Variants in NELL2 observed in about 807,000 individuals in gnomAD.
The protein encoded by NELL2 is neural EGFL like 2.
A neutral mutation model predicts 109.6 loss-of-function variants in NELL2; 41 were observed. The ratio of observed to expected loss-of-function variants is 0.37; its 90% CI spans 0.29 to 0.49. The LOEUF is 0.49. Among genes scored for constraint, NELL2 ranks in the 20% least tolerant of loss-of-function variants. The probability of loss-of-function intolerance (pLI) is 0.98; values close to 1 mark genes in which losing one functional copy is unlikely to be tolerated. For synonymous variants in NELL2, 355 were observed against 344.7 expected (o/e 1.03, Z -0.33); for missense variants, 900 against 1,008.3 (o/e 0.89, Z 1.45).
At chr12:44,615,866 G>A (rs1945802408) in intron 13 of NELL2, among the ~76,000 whole-genome samples, 2 of 152,042 alleles carry the variant, frequency 1.3e-5, no homozygotes, top group South Asian at 4.1e-4. Context: ...TTTTCACAAG[G>A]TAGATATAAG....
chr12:44,672,130 C>A (rs918331917), intron 12 of NELL2, among the ~76,000 whole-genome samples: 4 of 152,124 alleles, frequency 2.6e-5, no homozygotes, highest in African/African-American at 9.7e-5. Flanking sequence ...CTGGAGCAAA[C>A]GTTAATTACA....
chr12:44,726,534 T>C (rs1204483443), intron 9 of NELL2, among the ~76,000 whole-genome samples: 2 of 152,176 alleles, frequency 1.3e-5, no homozygotes, highest in Non-Finnish European at 2.9e-5. Flanking sequence ...TTCAACTTTA[T>C]TTCATTCTAA....
chr12:44,849,949 T>C (rs1276065810), intron 2 of NELL2, among the ~76,000 whole-genome samples: 1 of 152,110 alleles, frequency 6.6e-6, no homozygotes, highest in Non-Finnish European at 1.5e-5. Context: ...GTCTATTTTG[T>C]GAAAAAACAG....
intron 13 of NELL2, among the ~76,000 whole-genome samples, chr12:44,640,351 G>T (rs1000143364): frequency 2.6e-5 from 4 of 152,078 alleles, no homozygotes; most frequent in African/African-American, 9.7e-5. Context: ...AGGCTGAAGG[G>T]GTAAATACTT....
chr12:44,725,994 AC>A (rs1566247207), intron 9 of NELL2, among the ~76,000 whole-genome samples: 1 of 152,166 alleles, frequency 6.6e-6, no homozygotes, highest in Non-Finnish European at 1.5e-5. Context: ...GTACCCCCAA[AC>A]GTAAGAAAAA....
rs188089073 is a variant in NELL2, at chr12:44,688,624, G to A, written c.1318+15102C>T. 2.4e-3 allele frequency among the ~76,000 whole-genome samples: 364 copies of A among 152,282 alleles called. 3 individuals carry two copies. The highest frequency in any genetic ancestry group is 8.0e-3 in the African/African-American group (333 of 41,556). ...CAGAGGTAAGAATTCAAGTCTTCTT[G>A]GGCAATGTTCTTTCCATACATCAGC... is the stretch of plus-strand genomic sequence containing the variant. On this transcript the variant is annotated intron_variant, in intron 12 of 19. Transcript: ENST00000429094.
intron 2 of NELL2, among the ~76,000 whole-genome samples, chr12:44,859,956 T>G (rs552310949): frequency 2.0e-5 from 3 of 152,328 alleles, no homozygotes; most frequent in Admixed American, 6.5e-5. Flanking sequence ...GGGTGCCAAA[T>G]AGCATGCTAA....
At chr12:44,787,589 G>A (rs1053033197) in intron 3 of NELL2, among the ~76,000 whole-genome samples, 1 of 152,290 alleles carries the variant, frequency 6.6e-6, no homozygotes, top group African/African-American at 2.4e-5. Context: ...ATACTGTGTA[G>A]TATGGGCAGA....
At chr12:44,644,294 G>A (rs1467727015) in intron 13 of NELL2, among the ~76,000 whole-genome samples, 1 of 152,056 alleles carries the variant, frequency 6.6e-6, no homozygotes, top group Non-Finnish European at 1.5e-5. Flanking sequence ...TGAGTTCACA[G>A]TGTGGCATGT....
At chr12:44,850,671 A>G (rs1944507427) in intron 2 of NELL2, among the ~76,000 whole-genome samples, 1 of 152,224 alleles carries the variant, frequency 6.6e-6, no homozygotes, top group African/African-American at 2.4e-5. Flanking sequence ...TAAGTTTATG[A>G]AACTAAAGCA....
chr12:44,700,648 T>C (rs2136414744), intron 12 of NELL2, among the ~76,000 whole-genome samples: 1 of 152,262 alleles, frequency 6.6e-6, no homozygotes, highest in East Asian at 1.9e-4. Flanking sequence ...ACTCTTCTTG[T>C]TCAAGCAAAA....
intron 9 of NELL2, among the ~76,000 whole-genome samples, chr12:44,736,087 T>C (rs1313691464): frequency 7.0e-6 from 1 of 143,578 alleles, no homozygotes; most frequent in East Asian, 2.2e-4. Context: ...CTTGACTCAC[T>C]GCAAGCTCCG....
At position 44,610,864 on chromosome 12, in the gene NELL2, A is replaced by G; in HGVS notation, c.1551T>C (p.Asn517=). The G allele has an allele frequency of 2.5e-6, 4 of 1,613,060 alleles. No homozygotes were observed. Among genetic ancestry groups the G allele is most frequent in the Non-Finnish European group, 3.4e-6 (4 of 1,179,270 alleles). Residue 517 remains asparagine (N), a synonymous_variant, in exon 14 of 20, where the codon AAT becomes AAC. Coordinates refer to ENST00000429094, the MANE Select transcript of NELL2 (RefSeq NM_001145108.2). The part of the protein sequence containing the change: ...NCVCKPGYTG[N]GTTCKAFCKD... ...ACCTTTTACCTTTGCATGTCGTTCC[A>G]TTCCCTGTATAGCCCGGCTTGCAAA...
intron 2 of NELL2, among the ~76,000 whole-genome samples, chr12:44,844,236 A>G (rs1944307335): frequency 6.6e-6 from 1 of 152,234 alleles, no homozygotes; most frequent in Non-Finnish European, 1.5e-5. Context: ...CATTGGTGGG[A>G]ACTGAATTTT....
At chr12:44,893,564 A>C (rs1945560026) in intron 1 of NELL2, among the ~76,000 whole-genome samples, 2 of 152,108 alleles carry the variant, frequency 1.3e-5, no homozygotes, top group South Asian at 2.1e-4. Context: ...CCACTCAGAG[A>C]GGGTAGAGGG....
intron 15 of NELL2, among the ~76,000 whole-genome samples, chr12:44,574,328 C>T (rs12578826): frequency 0.029 from 4,384 of 151,760 alleles, 92 homozygotes; most frequent in Middle Eastern, 0.12. Flanking sequence ...ATTATAATTA[C>T]AAAAAGAGTT....
In NELL2 at chr12:44,643,129, A is replaced by G. The variant is rs532026294; in HGVS notation, c.1444+22355T>C. ...ATTTTATATTATGTATTAAAGTATT[A>G]AAATGTGCACAATTGAGGCCTAATA... On this transcript the variant is annotated intron_variant, in intron 13 of 19. Transcript: ENST00000429094. Among the ~76,000 whole-genome samples, 40 of 152,340 alleles carry G rather than the reference A, an allele frequency of 2.6e-4. 2 individuals are homozygous for G. The highest frequency in any genetic ancestry group is 6.8e-3 in the Middle Eastern group (2 of 294).
chr12:44,552,719 C>T (rs1943088645), intron 15 of NELL2, among the ~76,000 whole-genome samples: 1 of 152,006 alleles, frequency 6.6e-6, no homozygotes, highest in Non-Finnish European at 1.5e-5. Context: ...AAAAAGAAGC[C>T]AGTTACTTGT....
intron 13 of NELL2, among the ~76,000 whole-genome samples, chr12:44,639,449 T>C (rs1946769057): frequency 6.6e-6 from 1 of 152,196 alleles, no homozygotes; most frequent in Non-Finnish European, 1.5e-5. Context: ...CTGGGCTACT[T>C]GTTATTTCCT....
Sources: allele counts gnomAD v4.1 joint callset (sites outside exome capture counted in the v4.1 genomes callset), GRCh38; gene constraint gnomAD v4.1.1; transcripts MANE v1.5; gene names NCBI Gene and HGNC (gene_info 2026-07-23, HGNC 2026-07-21).